XNDC1N: variants seen among roughly 807,000 people sequenced by gnomAD.
The protein encoded by XNDC1N is XRCC1 N-terminal domain containing 1, N-terminal like, also known as protein XNDC1N.
chr11:71,918,787 G>T, the XNDC1N span: 5 of 650,816 alleles, frequency 7.7e-6, no homozygotes, highest in Non-Finnish European at 1.4e-5. Context: ...CATAAAGGCT[G>T]CTCAGCCAGA....
the XNDC1N span, chr11:71,928,068 G>A: frequency 1.5e-5 from 3 of 194,630 alleles, no homozygotes; most frequent in African/African-American, 2.4e-5. Flanking sequence ...GGTATACGTA[G>A]GGGTGGGACA....
the XNDC1N span, among the ~76,000 whole-genome samples, chr11:71,902,724 C>T: frequency 1.3e-5 from 2 of 152,220 alleles, no homozygotes; most frequent in South Asian, 4.1e-4. Context: ...AGCTGTTATA[C>T]AGTGTTTACA....
At chr11:71,924,542 G>A in the XNDC1N span, among the ~76,000 whole-genome samples, 1 of 152,128 alleles carries the variant, frequency 6.6e-6, no homozygotes, top group Non-Finnish European at 1.5e-5. Context: ...GCCTGGCGTG[G>A]TGGTGGGCGC....
chr11:71,889,668 G>T, the XNDC1N span, among the ~76,000 whole-genome samples: 207 of 152,242 alleles, frequency 1.4e-3, no homozygotes, highest in African/African-American at 4.9e-3. Context: ...TGTCTGCCCT[G>T]GCCAAAACGG....
the XNDC1N span, among the ~76,000 whole-genome samples, chr11:71,906,631 C>A: frequency 6.6e-6 from 1 of 152,138 alleles, no homozygotes; most frequent in Admixed American, 6.5e-5. Flanking sequence ...TCTACATGCC[C>A]TGTGACCTTA....
At chr11:71,917,605 C>T in the XNDC1N span, 1 of 703,714 alleles carries the variant, frequency 1.4e-6, no homozygotes, top group South Asian at 1.5e-5. Flanking sequence ...ATCTTTTCTG[C>T]TTTTGCCCTC....
chr11:71,910,714 C>A, the XNDC1N span, among the ~76,000 whole-genome samples: 4,730 of 152,206 alleles, frequency 0.031, 85 homozygotes, highest in Non-Finnish European at 0.048. Context: ...GAACACAGCC[C>A]GGGGTCAGAA....
At chr11:71,880,598 G>A in the XNDC1N span, among the ~76,000 whole-genome samples, 3 of 152,174 alleles carry the variant, frequency 2.0e-5, no homozygotes, top group African/African-American at 7.2e-5. Flanking sequence ...TCCTTGAGGT[G>A]CATAGTAGCT....
chr11:71,915,752 C>T, the XNDC1N span, among the ~76,000 whole-genome samples: 6 of 152,278 alleles, frequency 3.9e-5, no homozygotes, highest in African/African-American at 1.4e-4. Flanking sequence ...ATAAAAGCTA[C>T]AGTCACCCAA....
chr11:71,895,200 A>G, the XNDC1N span, among the ~76,000 whole-genome samples: 1 of 152,292 alleles, frequency 6.6e-6, no homozygotes, highest in Admixed American at 6.5e-5. Context: ...GTAAGAGCAG[A>G]AATTAATTGT....
At chr11:71,883,093 A>G in the XNDC1N span, among the ~76,000 whole-genome samples, 4 of 152,330 alleles carry the variant, frequency 2.6e-5, no homozygotes, top group African/African-American at 9.6e-5. Flanking sequence ...GAAATTAAAG[A>G]AGACACAAAT....
At chr11:71,919,386 GCT>G in the XNDC1N span, among the ~76,000 whole-genome samples, 3 of 73,338 alleles carry the variant, frequency 4.1e-5, no homozygotes, top group Non-Finnish European at 7.1e-5. Flanking sequence ...GGAAAGCAGA[GCT>G]CTTTTTTTTT....
the XNDC1N span, among the ~76,000 whole-genome samples, chr11:71,895,631 C>G: frequency 6.6e-6 from 1 of 152,202 alleles, no homozygotes; most frequent in African/African-American, 2.4e-5. Flanking sequence ...CCAGCCACCA[C>G]TTAGCATTTA....
the XNDC1N span, among the ~76,000 whole-genome samples, chr11:71,874,477 C>T: frequency 1.3e-5 from 2 of 152,256 alleles, no homozygotes; most frequent in South Asian, 2.1e-4. Context: ...GAGCCCATCA[C>T]TGAGAGAGCA....
At chr11:71,866,178 T>TTC in the XNDC1N span, among the ~76,000 whole-genome samples, 1 of 151,382 alleles carries the variant, frequency 6.6e-6, no homozygotes, top group African/African-American at 2.4e-5. Context: ...TGCTTGTTGT[T>TTC]ATAAATACCT....
chr11:71,905,380 C>T, the XNDC1N span, among the ~76,000 whole-genome samples: 1,488 of 151,718 alleles, frequency 9.8e-3, 24 homozygotes, highest in African/African-American at 0.034. Context: ...TTACGAATAA[C>T]ATCACAGGGT....
At chr11:71,904,605 T>C in the XNDC1N span, among the ~76,000 whole-genome samples, 2 of 152,112 alleles carry the variant, frequency 1.3e-5, no homozygotes, top group Non-Finnish European at 2.9e-5. Flanking sequence ...TTCTAGGGTA[T>C]TGCAGATAAC....
chr11:71,873,438 T>C, the XNDC1N span, among the ~76,000 whole-genome samples: 1 of 152,248 alleles, frequency 6.6e-6, no homozygotes, highest in Non-Finnish European at 1.5e-5. Context: ...TTATTGTTAT[T>C]GATTTCTGAT....
chr11:71,904,598 T>C, the XNDC1N span, among the ~76,000 whole-genome samples: 4 of 152,074 alleles, frequency 2.6e-5, no homozygotes, highest in Non-Finnish European at 4.4e-5. Flanking sequence ...AACATCCTTC[T>C]AGGGTATTGC....
Sources: gnomAD v4.1 joint callset for allele counts (sites outside exome capture counted in the v4.1 genomes callset) on GRCh38, gnomAD v4.1.1 for gene constraint, MANE v1.5 for transcripts, NCBI Gene and HGNC (gene_info 2026-07-23, HGNC 2026-07-21) for gene names.